Variants in CNTN4 observed in about 807,000 individuals in gnomAD.
CNTN4 encodes contactin 4.
In CNTN4, 77 loss-of-function variants were observed where a neutral mutation model predicts 122.5. The observed-to-expected ratio is 0.63, with a 90% CI of 0.52 to 0.76. The LOEUF (loss-of-function observed/expected upper bound fraction) is 0.76, where lower values mean the gene tolerates loss of function less well. Among genes scored for constraint, CNTN4 ranks in the 30% least tolerant of loss-of-function variants. The probability of loss-of-function intolerance (pLI) is 0.00; values close to 1 mark genes in which losing one functional copy is unlikely to be tolerated. For synonymous variants in CNTN4, 512 were observed against 447.0 expected, an observed-to-expected ratio of 1.15 and a Z score of -1.83; for missense variants, 1,256 against 1,259.1, an observed-to-expected ratio of 1.00 and a Z score of 0.04.
intron 3 of CNTN4, among the ~76,000 whole-genome samples, chr3:2,442,607 TG>T (rs1422668287): frequency 6.6e-6 from 1 of 152,082 alleles, no homozygotes; most frequent in Non-Finnish European, 1.5e-5. Context: ...TTTTTTTAAT[TG>T]GGAGTTTTGT....
At chr3:2,751,657 T>G (rs1458165276) in intron 6 of CNTN4, among the ~76,000 whole-genome samples, 1 of 152,098 alleles carries the variant, frequency 6.6e-6, no homozygotes, top group African/African-American at 2.4e-5. Context: ...CAGAATGAAG[T>G]GCTATAGCTC....
intron 13 of CNTN4, among the ~76,000 whole-genome samples, chr3:2,983,169 G>A (rs1229466271): frequency 1.9e-4 from 23 of 121,484 alleles, no homozygotes; most frequent in Admixed American, 6.4e-4. Flanking sequence ...AGCCGAGATC[G>A]CAGCACTGCA....
At position 2,311,739 on chromosome 3, in the gene CNTN4, A is replaced by G. The variant is rs17012420; in HGVS notation, c.-144-27439A>G. ...CATTATGTCAAGGAAAGGCTTATGCACATTTATAATACTTTGTAAACTGTA... is the reference window on the plus strand; with the variant it reads ...CATTATGTCAAGGAAAGGCTTATGCGCATTTATAATACTTTGTAAACTGTA... On this transcript the variant is annotated intron_variant, in intron 2 of 24. Coordinates refer to ENST00000418658, the MANE Select transcript of CNTN4 (RefSeq NM_175607.3). 5.0e-3 allele frequency among the ~76,000 whole-genome samples: 765 copies of G among 152,284 alleles called. 6 individuals are homozygous for G. The highest frequency in any genetic ancestry group is 0.017 in the African/African-American group (722 of 41,572).
chr3:2,398,517 A>G (rs2046722179), intron 3 of CNTN4, among the ~76,000 whole-genome samples: 1 of 152,122 alleles, frequency 6.6e-6, no homozygotes, highest in South Asian at 2.1e-4. Context: ...TTGATTCATT[A>G]TATTGCCATT....
intron 2 of CNTN4, among the ~76,000 whole-genome samples, chr3:2,169,494 C>T (rs1035973768): frequency 2.6e-5 from 4 of 151,836 alleles, no homozygotes; most frequent in East Asian, 2.0e-4. Flanking sequence ...GCAAGCTCCG[C>T]CTCCCGGGTT....
chr3:2,736,445 AT>A, intron 5 of CNTN4, 104 bp downstream of exon 5: 2 of 531,138 alleles, frequency 3.8e-6, no homozygotes, highest in Admixed American at 4.9e-5. Flanking sequence ...TTATTTATTT[AT>A]TTTATTTTAT....
At chr3:2,350,194 C>CA (rs2044555355) in intron 3 of CNTN4, among the ~76,000 whole-genome samples, 1 of 152,130 alleles carries the variant, frequency 6.6e-6, no homozygotes, top group Non-Finnish European at 1.5e-5. Context: ...GAGCCATAGT[C>CA]ACAGCTGTCT....
At chr3:2,505,646 G>C (rs1575792431) in intron 3 of CNTN4, among the ~76,000 whole-genome samples, 1 of 152,186 alleles carries the variant, frequency 6.6e-6, no homozygotes, top group African/African-American at 2.4e-5. Context: ...TTATGTGGCT[G>C]TGTCACCAAG....
intron 14 of CNTN4, among the ~76,000 whole-genome samples, chr3:2,998,128 C>T (rs576735722): frequency 1.3e-5 from 2 of 152,178 alleles, no homozygotes; most frequent in Non-Finnish European, 2.9e-5. Flanking sequence ...CCTCCATTGG[C>T]TTTGTCCACA....
At chr3:2,139,477 G>A (rs571963243) in intron 2 of CNTN4, among the ~76,000 whole-genome samples, 4 of 152,112 alleles carry the variant, frequency 2.6e-5, no homozygotes, top group South Asian at 2.1e-4. Flanking sequence ...TTTTCATGAC[G>A]CACATTTTAT....
intron 13 of CNTN4, among the ~76,000 whole-genome samples, chr3:2,954,634 T>C (rs922513038): frequency 7.9e-5 from 12 of 151,964 alleles, no homozygotes; most frequent in African/African-American, 2.9e-4. Context: ...AGTTCATATA[T>C]TGAAGTCAGA....
chr3:2,182,039 A>G (rs1273505634), intron 2 of CNTN4, among the ~76,000 whole-genome samples: 1 of 152,150 alleles, frequency 6.6e-6, no homozygotes, highest in African/African-American at 2.4e-5. Flanking sequence ...ACAATATAAT[A>G]GAATCAACAG....
chr3:2,551,361 G>T (rs1186253266), intron 3 of CNTN4, among the ~76,000 whole-genome samples: 1 of 152,094 alleles, frequency 6.6e-6, no homozygotes, highest in African/African-American at 2.4e-5. Flanking sequence ...GTATATGTTT[G>T]TATATCATGT....
intron 2 of CNTN4, among the ~76,000 whole-genome samples, chr3:2,159,021 T>C (rs182234121): frequency 2.6e-5 from 4 of 152,164 alleles, no homozygotes; most frequent in Admixed American, 1.3e-4. Context: ...GTGTATGAAG[T>C]TGGAATCCCG....
chr3:2,501,829 C>T (rs1375780323), intron 3 of CNTN4, among the ~76,000 whole-genome samples: 2 of 152,074 alleles, frequency 1.3e-5, no homozygotes, highest in African/African-American at 4.8e-5. Flanking sequence ...TTTTGAGCCT[C>T]GACATAACAC....
chr3:2,371,230 C>G (rs1478338236), intron 3 of CNTN4, among the ~76,000 whole-genome samples: 1 of 152,148 alleles, frequency 6.6e-6, no homozygotes, highest in Admixed American at 6.5e-5. Flanking sequence ...TCCCACTGCA[C>G]TTGGAGTAAA....
At chr3:3,054,058 T>A in intron 24 of CNTN4, 83 bp downstream of exon 24, 1 of 1,401,620 alleles carries the variant, frequency 7.1e-7, no homozygotes, top group Non-Finnish European at 1.0e-6. Flanking sequence ...TGAAAGACAT[T>A]CAGCCTGCAA....
chr3:2,640,954 G>A (rs1367647426), intron 4 of CNTN4, among the ~76,000 whole-genome samples: 2 of 152,176 alleles, frequency 1.3e-5, no homozygotes, highest in Admixed American at 6.5e-5. Flanking sequence ...AAGAGGGGAA[G>A]AGAATAAGGA....
At position 2,633,979 on chromosome 3, in the gene CNTN4, C is replaced by G. The variant is rs189033125; in HGVS notation, c.55+62421C>G. On this transcript the variant is annotated intron_variant, in intron 4 of 24. Transcript: ENST00000418658. ...AGATGAAGAAATGCTTGCCTACTCT[C>G]TACAAATGATATCCTATCCCTTACA... is the stretch of plus-strand genomic sequence containing the variant. Among the ~76,000 whole-genome samples, 4 of 152,306 alleles carry G rather than the reference C, an allele frequency of 2.6e-5. No individual in the cohort carries two copies. The East Asian group carries it at 7.7e-4, about 29-fold the overall frequency.
Sources: gnomAD v4.1 joint callset for allele counts (sites outside exome capture counted in the v4.1 genomes callset) on GRCh38, gnomAD v4.1.1 for gene constraint, MANE v1.5 for transcripts, NCBI Gene and HGNC (gene_info 2026-07-23, HGNC 2026-07-21) for gene names.